Variants in MYO16 observed in about 807,000 individuals in gnomAD.
The protein encoded by MYO16 is myosin XVI, also known as unconventional myosin-XVI.
MYO16 carries 94 observed loss-of-function variants against 205.3 expected under a neutral mutation model. That is an observed-to-expected ratio of 0.46 (90% CI 0.39 to 0.54). MYO16 has a LOEUF of 0.54. Among genes scored for constraint, MYO16 ranks in the 20% least tolerant of loss-of-function variants. The pLI is 0.00. For synonymous variants in MYO16, 988 were observed against 954.0 expected, an observed-to-expected ratio of 1.04 and a Z score of -0.66; for missense variants, 2,315 against 2,387.5, an observed-to-expected ratio of 0.97 and a Z score of 0.63.
chr13:108,498,550 AC>A, the MYO16 span, among the ~76,000 whole-genome samples: 1 of 152,200 alleles, frequency 6.6e-6, no homozygotes, highest in Non-Finnish European at 1.5e-5. Flanking sequence ...TCTGCTCTGT[AC>A]TAGAAATAAC....
At chr13:108,732,522 A>C (rs1359108222) in intron 4 of MYO16, among the ~76,000 whole-genome samples, 1 of 152,320 alleles carries the variant, frequency 6.6e-6, no homozygotes, top group Admixed American at 6.5e-5. Flanking sequence ...GCTATGTGGC[A>C]GGGTCTGTGT....
At chr13:108,852,454 G>A (rs1877927624) in intron 10 of MYO16, among the ~76,000 whole-genome samples, 1 of 152,132 alleles carries the variant, frequency 6.6e-6, no homozygotes, top group African/African-American at 2.4e-5. Flanking sequence ...AAAACTACAT[G>A]TCCTCTCTGG....
intron 16 of MYO16, among the ~76,000 whole-genome samples, chr13:108,953,181 A>C (rs1248001292): frequency 1.3e-5 from 2 of 152,250 alleles, no homozygotes. Context: ...TACAACAGCC[A>C]AGTGTAAACT....
chr13:108,519,657 A>C, the MYO16 span, among the ~76,000 whole-genome samples: 1 of 151,618 alleles, frequency 6.6e-6, no homozygotes, highest in Non-Finnish European at 1.5e-5. Context: ...ACCCACACAC[A>C]CACACACCCC....
At chr13:109,019,627 T>G in intron 22 of MYO16, 84 bp from the exon 23 acceptor site, 1 of 1,092,570 alleles carries the variant, frequency 9.2e-7, no homozygotes, top group Non-Finnish European at 1.3e-6. Context: ...CTAACAAAAA[T>G]ATAAGCAAGC....
chr13:108,628,937 C>T (rs1012722340), upstream of MYO16, among the ~76,000 whole-genome samples: 4 of 152,068 alleles, frequency 2.6e-5, no homozygotes, highest in African/African-American at 9.7e-5. Context: ...AAAATATAAC[C>T]TTTTGGTTTG....
chr13:108,694,699 T>C (rs569511886), intron 2 of MYO16, among the ~76,000 whole-genome samples: 1 of 152,322 alleles, frequency 6.6e-6, no homozygotes, highest in African/African-American at 2.4e-5. Context: ...TTAATGCACA[T>C]TTTTTAAAAA....
intron 10 of MYO16, among the ~76,000 whole-genome samples, chr13:108,854,171 A>G (rs1192976251): frequency 6.6e-6 from 1 of 151,544 alleles, no homozygotes; most frequent in African/African-American, 2.4e-5. Flanking sequence ...TTTTTTTTGT[A>G]TTTTTAGTAG....
At chr13:108,659,653 C>A (rs2139420506) in intron 1 of MYO16, among the ~76,000 whole-genome samples, 1 of 152,232 alleles carries the variant, frequency 6.6e-6, no homozygotes, top group East Asian at 1.9e-4. Flanking sequence ...TCTGTAAGAG[C>A]AGGACTAAGC....
At chr13:108,678,641 C>T (rs762628102) in intron 2 of MYO16, among the ~76,000 whole-genome samples, 6 of 152,140 alleles carry the variant, frequency 3.9e-5, no homozygotes, top group Non-Finnish European at 7.3e-5. Context: ...TCATTGACTC[C>T]ATTATTTCTT....
the MYO16 span, among the ~76,000 whole-genome samples, chr13:108,582,436 G>A: frequency 6.6e-6 from 1 of 152,170 alleles, no homozygotes; most frequent in Non-Finnish European, 1.5e-5. Context: ...TCTTTAAAGA[G>A]AGGATATTCT....
chr13:108,594,254 C>A (rs1878477698), upstream of MYO16, among the ~76,000 whole-genome samples: 1 of 152,202 alleles, frequency 6.6e-6, no homozygotes, highest in Non-Finnish European at 1.5e-5. Context: ...TCCTTGAACA[C>A]CCTCTAAAAT....
the MYO16 span, among the ~76,000 whole-genome samples, chr13:108,588,357 C>T: frequency 2.0e-5 from 3 of 152,124 alleles, no homozygotes; most frequent in African/African-American, 7.2e-5. Flanking sequence ...TGCCAAGGAC[C>T]TGCATCATTA....
chr13:108,546,480 TTCTC>T, the MYO16 span, among the ~76,000 whole-genome samples: 1 of 152,164 alleles, frequency 6.6e-6, no homozygotes, highest in Admixed American at 6.5e-5. Context: ...GAGAATCTAT[TTCTC>T]TCTCCCCATG....
intron 12 of MYO16, among the ~76,000 whole-genome samples, chr13:108,879,622 T>G (rs1879502745): frequency 6.6e-6 from 1 of 152,212 alleles, no homozygotes. Context: ...TTTGGTTTTC[T>G]GTCCTTGCAA....
chr13:108,941,900 G>C (rs190507025), intron 16 of MYO16, among the ~76,000 whole-genome samples: 433 of 152,140 alleles, frequency 2.8e-3, no homozygotes, highest in African/African-American at 0.01. Flanking sequence ...TTGCTGCTTT[G>C]GTTACTACAG....
At chr13:108,765,816 G>A (rs9555503) in intron 4 of MYO16, among the ~76,000 whole-genome samples, 10,469 of 151,970 alleles carry the variant, frequency 0.069, 627 homozygotes, top group East Asian at 0.24. Flanking sequence ...TTGTTATTTC[G>A]TGTGGCAGCG....
At chr13:108,641,922 G>T (rs1393491144) in intron 1 of MYO16, among the ~76,000 whole-genome samples, 1 of 152,170 alleles carries the variant, frequency 6.6e-6, no homozygotes, top group Non-Finnish European at 1.5e-5. Flanking sequence ...CAGTCATGTA[G>T]GTTGGACAGG....
chr13:108,717,507 G>A (rs2139562476), intron 3 of MYO16, among the ~76,000 whole-genome samples: 1 of 151,740 alleles, frequency 6.6e-6, no homozygotes, highest in African/African-American at 2.4e-5. Context: ...GTGGGCGCCT[G>A]TAATCCCAGC....
Sources: gnomAD v4.1 joint callset for allele counts (sites outside exome capture counted in the v4.1 genomes callset) on GRCh38, gnomAD v4.1.1 for gene constraint, MANE v1.5 for transcripts, NCBI Gene and HGNC (gene_info 2026-07-23, HGNC 2026-07-21) for gene names.